EYA2: variants seen among roughly 807,000 people sequenced by gnomAD.
EYA2 encodes the protein protein phosphatase EYA2.
A neutral mutation model predicts 69.2 loss-of-function variants in EYA2; 31 were observed. That is an observed-to-expected ratio of 0.45 (90% CI 0.34 to 0.60). The LOEUF is 0.60. Among genes scored for constraint, EYA2 ranks in the 20% least tolerant of loss-of-function variants. The pLI is 0.02. For missense variants in EYA2, 622 were observed against 701.2 expected, an observed-to-expected ratio of 0.89 and a Z score of 1.28; for synonymous variants, 257 against 279.4, an observed-to-expected ratio of 0.92 and a Z score of 0.80.
At chr20:47,050,161 G>A (rs1230847049) in intron 5 of EYA2, among the ~76,000 whole-genome samples, 1 of 152,220 alleles carries the variant, frequency 6.6e-6, no homozygotes. Flanking sequence ...ATGGGGCAAG[G>A]AGTCTCGTAG....
intron 9 of EYA2, among the ~76,000 whole-genome samples, chr20:47,130,261 C>CTTTTGTTTTTTTTTTTTTTTTT (rs2033305670): frequency 1.2e-5 from 1 of 81,258 alleles, no homozygotes; most frequent in African/African-American, 5.8e-5. Context: ...GGTTTATTTT[C>CTTTTGTTTTTTTTTTTTTTTTT]TTTTTTTTTT....
At chr20:46,937,694 G>A (rs563531109) in intron 1 of EYA2, among the ~76,000 whole-genome samples, 43 of 148,486 alleles carry the variant, frequency 2.9e-4, no homozygotes, top group African/African-American at 1.1e-3. Flanking sequence ...AACCTTTCAG[G>A]ACGTACTTCC....
At chr20:47,041,859 C>T (rs1453082401) in intron 5 of EYA2, among the ~76,000 whole-genome samples, 1 of 151,936 alleles carries the variant, frequency 6.6e-6, no homozygotes, top group Non-Finnish European at 1.5e-5. Flanking sequence ...AATTTACAGA[C>T]TTCTTTTGGT....
intron 5 of EYA2, among the ~76,000 whole-genome samples, chr20:47,016,739 CTG>C (rs1273957363): frequency 2.6e-5 from 4 of 152,204 alleles, no homozygotes; most frequent in Non-Finnish European, 4.4e-5. Context: ...CCTGTACAAA[CTG>C]TGCATGCAGG....
chr20:47,021,944 A>T (rs953089273), intron 5 of EYA2, among the ~76,000 whole-genome samples: 1 of 152,170 alleles, frequency 6.6e-6, no homozygotes, highest in Non-Finnish European at 1.5e-5. Context: ...AGCCTTCATG[A>T]TCTGTGTTCC....
chr20:47,124,396 G>A (rs575690556), intron 9 of EYA2, among the ~76,000 whole-genome samples: 1 of 152,302 alleles, frequency 6.6e-6, no homozygotes, highest in Non-Finnish European at 1.5e-5. Flanking sequence ...TTAAAGAGCT[G>A]CATCTTTAGA....
At chr20:46,917,752 A>T (rs1363292429) in intron 1 of EYA2, among the ~76,000 whole-genome samples, 1 of 152,234 alleles carries the variant, frequency 6.6e-6, no homozygotes, top group Non-Finnish European at 1.5e-5. Flanking sequence ...ACTTAAAAAT[A>T]CTTCATTGCT....
intron 10 of EYA2, among the ~76,000 whole-genome samples, chr20:47,165,772 A>G (rs3092396): frequency 0.13 from 19,657 of 152,106 alleles, 1,347 homozygotes; most frequent in Middle Eastern, 0.17. Context: ...ACCAGCAGCC[A>G]CACTACCCCC....
intron 2 of EYA2, among the ~76,000 whole-genome samples, chr20:47,000,023 A>G (rs1323024824): frequency 1.3e-5 from 2 of 152,182 alleles, no homozygotes; most frequent in African/African-American, 4.8e-5. Context: ...GGTTGAGAAG[A>G]CAGACTCTGG....
chr20:47,073,496 G>T (rs6018258), intron 6 of EYA2, among the ~76,000 whole-genome samples: 2,050 of 67,148 alleles, frequency 0.031, 57 homozygotes, highest in African/African-American at 0.16. Flanking sequence ...GTGTGTCGTG[G>T]GGGGGGGGTG....
chr20:46,994,895 C>G (rs1244202180), intron 2 of EYA2, among the ~76,000 whole-genome samples: 1 of 106,988 alleles, frequency 9.3e-6, no homozygotes, highest in Non-Finnish European at 1.9e-5. Flanking sequence ...CCACTTGGTA[C>G]TAATTTGTTC....
chr20:47,088,560 C>G (rs996162448), intron 7 of EYA2, among the ~76,000 whole-genome samples: 9 of 152,118 alleles, frequency 5.9e-5, no homozygotes, highest in African/African-American at 2.2e-4. Flanking sequence ...TCAGCCCTCC[C>G]CGCTGCCCCA....
At chr20:47,185,276 CTTTTTTTTTTTTT>C (rs765083065) in intron 15 of EYA2, among the ~76,000 whole-genome samples, 4 of 55,930 alleles carry the variant, frequency 7.2e-5, no homozygotes, top group East Asian at 6.6e-4. Flanking sequence ...GAATCACACT[CTTTTTTTTTTTTT>C]TTTTTTTTTT....
At chr20:47,069,731 C>A (rs891038958) in intron 5 of EYA2, among the ~76,000 whole-genome samples, 1 of 151,974 alleles carries the variant, frequency 6.6e-6, no homozygotes, top group African/African-American at 2.4e-5. Context: ...AATATATACA[C>A]CTACTGTGTA....
intron 12 of EYA2, 21 bp downstream of exon 12, chr20:47,172,888 G>A (rs1448804993): frequency 1.9e-6 from 3 of 1,591,212 alleles, no homozygotes; most frequent in East Asian, 2.2e-5. Flanking sequence ...TGAGCCTTGG[G>A]CCTCCGAGGA....
rs1215775096 is a variant in EYA2, at chr20:46,907,741, A to C, written c.-11+12754A>C. Among the ~76,000 whole-genome samples the C allele has an allele frequency of 3.9e-5, 6 of 152,312 alleles. No homozygotes were observed. In the East Asian group the frequency reaches 7.7e-4, roughly 20 times the overall value. On this transcript the variant is annotated intron_variant, in intron 1 of 15. Coordinates refer to ENST00000327619, the MANE Select transcript of EYA2 (RefSeq NM_005244.5). ...GTAGTCCCAGCTACTGGAGAGGCTG[A>C]GGCAGGAGAGTTGCTTGAGCCCAGG...
chr20:47,128,784 T>G (rs2033262285), intron 9 of EYA2, among the ~76,000 whole-genome samples: 1 of 152,038 alleles, frequency 6.6e-6, no homozygotes, highest in Non-Finnish European at 1.5e-5. Flanking sequence ...GAGGAGGAAA[T>G]GGGATAATGT....
rs1984675531 is a variant in EYA2, at chr20:46,912,187, G to T, written c.-11+17200G>T. Among the ~76,000 whole-genome samples, 3 of 152,222 alleles carry T rather than the reference G, an allele frequency of 2.0e-5. No individual in the cohort carries two copies. The East Asian group carries it at 5.8e-4, about 29-fold the overall frequency. ...GTCTCTTATGTCTCCTCCAGCTCTGGTTCTGTGAGCTGAGGCTTAGTGAGT... is the reference window on the plus strand; with the variant it reads ...GTCTCTTATGTCTCCTCCAGCTCTGTTTCTGTGAGCTGAGGCTTAGTGAGT... On this transcript the variant is annotated intron_variant, in intron 1 of 15. Transcript: ENST00000327619.
chr20:46,994,840 T>G (rs768395499), intron 2 of EYA2, among the ~76,000 whole-genome samples: 1 of 151,952 alleles, frequency 6.6e-6, no homozygotes, highest in Non-Finnish European at 1.5e-5. Context: ...ACAAATGTCA[T>G]AGTCTCGAGC....
Sources: allele counts gnomAD v4.1 joint callset (sites outside exome capture counted in the v4.1 genomes callset), GRCh38; gene constraint gnomAD v4.1.1; transcripts MANE v1.5; gene names NCBI Gene and HGNC (gene_info 2026-07-23, HGNC 2026-07-21).